Variants in CR1 observed in about 807,000 individuals in gnomAD.
CR1 encodes the protein complement C3b/C4b receptor 1 (Knops blood group), also known as complement receptor type 1.
CR1 carries 116 observed loss-of-function variants against 187.3 expected under a neutral mutation model. The ratio of observed to expected loss-of-function variants is 0.62; its 90% confidence interval spans 0.53 to 0.72. CR1 has a LOEUF of 0.72. Ranked by LOEUF, CR1 falls within the 30% of genes least tolerant of loss-of-function variation. The probability of loss-of-function intolerance (pLI) is 0.00; values close to 1 mark genes in which losing one functional copy is unlikely to be tolerated. For missense variants in CR1, 1,731 were observed against 2,110.7 expected (o/e 0.82, Z 3.52); for synonymous variants, 576 against 747.1 (o/e 0.77, Z 3.73).
intron 36 of CR1, 96 bp downstream of exon 36, chr1:207,607,432 G>T: frequency 1.1e-6 from 1 of 882,118 alleles, no homozygotes; most frequent in Non-Finnish European, 1.9e-6. Context: ...GCACAAAGTA[G>T]TCTCTCAGAT....
intron 42 of CR1, 128 bp from the exon 43 acceptor site, chr1:207,619,752 C>A: frequency 1.4e-6 from 1 of 698,490 alleles, no homozygotes; most frequent in Non-Finnish European, 2.4e-6. Flanking sequence ...AGATTAGTAA[C>A]ATGTTTAAAA....
intron 37 of CR1, among the ~76,000 whole-genome samples, chr1:207,610,827 T>C (rs1571592281): frequency 6.6e-6 from 1 of 152,238 alleles, no homozygotes; most frequent in Middle Eastern, 3.4e-3. Context: ...ACATAGTAGG[T>C]GTATATATTT....
intron 35 of CR1, among the ~76,000 whole-genome samples, chr1:207,590,930 C>A (rs191405506): frequency 1.1e-3 from 164 of 152,300 alleles, no homozygotes; most frequent in African/African-American, 3.4e-3. Flanking sequence ...GCACCCAATA[C>A]AGGAGCACCC....
Position 207,605,257 on chromosome 1 carries a change from C to CAA in CR1, c.5811-1981_5811-1980dup, listed in dbSNP as rs200443731. On this transcript the variant is annotated intron_variant, in intron 35 of 46. Coordinates refer to ENST00000367049, the MANE Select transcript of CR1 (RefSeq NM_000651.6). ...CCTGGGTGATAGATCCAGACCCTGT[C>CAA]AAAAAAAAAAAAAAGAAAGAAAGAA... 3.5e-3 allele frequency among the ~76,000 whole-genome samples: 284 copies of CAA among 81,344 alleles called. 3 individuals are homozygous for CAA. Among genetic ancestry groups the CAA allele is most frequent in the East Asian group, 8.9e-3 (27 of 3,028 alleles). 53.4% of individuals were successfully genotyped at this position (81,344 alleles called of 152,430 possible). A position where few individuals can be genotyped will look rare whatever the true frequency, so the allele number is the denominator to read the frequency against.
chr1:207,518,634 T>G (rs922484330), intron 4 of CR1, among the ~76,000 whole-genome samples: 1 of 152,228 alleles, frequency 6.6e-6, no homozygotes, highest in Non-Finnish European at 1.5e-5. Flanking sequence ...TTCCTTCCAG[T>G]GGCTGCTGGC....
chr1:207,609,187 A>G, intron 36 of CR1, 103 bp from the exon 37 acceptor site: 2 of 1,158,604 alleles, frequency 1.7e-6, no homozygotes, highest in Non-Finnish European at 2.4e-6. Flanking sequence ...TTGTAATTCC[A>G]TTTAGAAAAT....
At chr1:207,525,158 C>G (rs2102309549) in intron 5 of CR1, among the ~76,000 whole-genome samples, 1 of 152,090 alleles carries the variant, frequency 6.6e-6, no homozygotes, top group East Asian at 1.9e-4. Context: ...GGTGCTCAAC[C>G]ATAAGAAACC....
At chr1:207,610,996 C>T (rs1302985740) in intron 37 of CR1, among the ~76,000 whole-genome samples, 1 of 152,006 alleles carries the variant, frequency 6.6e-6, no homozygotes, top group Non-Finnish European at 1.5e-5. Flanking sequence ...ACTATAGTCA[C>T]CCTGTCATGC....
intron 1 of CR1, among the ~76,000 whole-genome samples, chr1:207,503,710 C>G (rs12084935): frequency 0.032 from 4,828 of 152,236 alleles, 241 homozygotes; most frequent in African/African-American, 0.11. Flanking sequence ...CTGCAAAGCC[C>G]TTTAACCATT....
intron 35 of CR1, among the ~76,000 whole-genome samples, chr1:207,596,746 C>A (rs140506393): frequency 3.4e-4 from 51 of 148,424 alleles, no homozygotes; most frequent in Non-Finnish European, 5.9e-4. Context: ...AAGGCTATTG[C>A]AAGTACGGTA....
At chr1:207,520,439 A>T (rs954283920) in intron 4 of CR1, among the ~76,000 whole-genome samples, 2 of 152,074 alleles carry the variant, frequency 1.3e-5, no homozygotes, top group African/African-American at 2.4e-5. Context: ...CCCATGGGAG[A>T]TACCTTGGCT....
intron 45 of CR1, among the ~76,000 whole-genome samples, chr1:207,629,062 A>G (rs769401749): frequency 1.3e-5 from 2 of 152,290 alleles, no homozygotes; most frequent in Middle Eastern, 3.4e-3. Flanking sequence ...ATAATTTGTG[A>G]TAATGTTAAA....
chr1:207,578,702 A>T (rs1660844159), intron 29 of CR1, among the ~76,000 whole-genome samples: 2 of 152,248 alleles, frequency 1.3e-5, no homozygotes, highest in Admixed American at 6.5e-5. Context: ...AGTGTATCAG[A>T]CCCCAGAGTC....
In CR1 at chr1:207,578,039, C is replaced by T. The variant is rs1043874726; in HGVS notation, c.4772C>T (p.Pro1591Leu). 43 of 1,611,508 alleles carry T rather than the reference C, an allele frequency of 2.7e-5. No individual in the cohort carries two copies. The highest frequency in any genetic ancestry group is 4.0e-5 in the African/African-American group (3 of 74,828). ...ATTATACCTAACAAATGCACGCCTC[C>T]AAATGTGGAAAATGGAATATTGGTA... ...QCIIPNKCTP[P>L]NVENGILVSD... The change falls in exon 29 of 47, where the codon CCA becomes CTA. Residue 1591 changes from proline to leucine, a missense_variant. Transcript: ENST00000367049.
rs1313186421 is a variant in CR1, at chr1:207,566,399, G to C, written c.3952+476G>C. On this transcript the variant is annotated intron_variant, in intron 24 of 46. Transcript: ENST00000367049. The stretch of plus-strand genomic sequence containing the variant: ...TGATAATACACAAATATTGAACATG[G>C]CTTTATTTAATCAATATTTATTGAT... Among the ~76,000 whole-genome samples, 14 of 149,706 alleles carry C rather than the reference G, an allele frequency of 9.4e-5. 3 individuals are homozygous for C. The highest frequency in any genetic ancestry group is 3.0e-4 in the African/African-American group (12 of 39,432).
chr1:207,625,019 C>A (rs1359447606), intron 45 of CR1, among the ~76,000 whole-genome samples: 2 of 152,170 alleles, frequency 1.3e-5, no homozygotes, highest in African/African-American at 4.8e-5. Flanking sequence ...TACTTATGGT[C>A]CATTCCTTGT....
chr1:207,634,398 G>A (rs963198998), intron 46 of CR1, among the ~76,000 whole-genome samples: 6 of 152,120 alleles, frequency 3.9e-5, no homozygotes, highest in African/African-American at 1.4e-4. Context: ...ATCATCTGTG[G>A]CAAAATATGC....
chr1:207,580,757 G>C, intron 31 of CR1, 144 bp downstream of exon 31: 5 of 794,898 alleles, frequency 6.3e-6, no homozygotes, highest in Non-Finnish European at 1.0e-5. Context: ...TAAAATAAAG[G>C]TAGGGACTAA....
intron 45 of CR1, among the ~76,000 whole-genome samples, chr1:207,628,591 A>G (rs1452981786): frequency 1.3e-5 from 2 of 152,230 alleles, no homozygotes; most frequent in Admixed American, 6.5e-5. Flanking sequence ...GGAAGTTGTT[A>G]GGAATTAGGC....
Sources: allele counts gnomAD v4.1 joint callset (sites outside exome capture counted in the v4.1 genomes callset), GRCh38; gene constraint gnomAD v4.1.1; transcripts MANE v1.5; gene names NCBI Gene and HGNC (gene_info 2026-07-23, HGNC 2026-07-21).